Variants in KCNIP4 observed in about 807,000 individuals in gnomAD.
KCNIP4 encodes potassium voltage-gated channel interacting protein 4.
In KCNIP4, 12 loss-of-function variants were observed where a neutral mutation model predicts 34.0. The ratio of observed to expected loss-of-function variants is 0.35; its 90% CI spans 0.23 to 0.57. The LOEUF (loss-of-function observed/expected upper bound fraction) is 0.57. KCNIP4 is among the 20% of genes least tolerant of loss of function. KCNIP4 has a pLI of 0.83. For missense variants in KCNIP4, 238 were observed against 311.7 expected (o/e 0.76, Z 1.78); for synonymous variants, 124 against 102.2 (o/e 1.21, Z -1.29).
rs796715572 is a variant in KCNIP4, at chr4:20,980,825, AG to A, written c.62-98117del. ...TCTCCACCATAAAAAAAAAAAAAAGAGGCTAATTCTCTGGACTATTGTGGGT... is the reference window on the plus strand; with the variant it reads ...TCTCCACCATAAAAAAAAAAAAAAGAGCTAATTCTCTGGACTATTGTGGGT... On this transcript the variant is annotated intron_variant, in intron 1 of 8. Transcript: ENST00000382152. Among the ~76,000 whole-genome samples, 5 of 150,984 alleles carry A rather than the reference AG, an allele frequency of 3.3e-5. No homozygotes were observed. In the South Asian group the frequency reaches 1.0e-3, roughly 32 times the overall value.
rs556075855 is a variant in KCNIP4, at chr4:21,573,106, G to C, written c.61+375465C>G. On this transcript the variant is annotated intron_variant, in intron 1 of 8. Coordinates refer to ENST00000382152, the MANE Select transcript of KCNIP4 (RefSeq NM_025221.6). Reference sequence around the variant, plus strand: ...CAGGCATGTTATTATTATCACCACTGTTTAGTGGTAAACAGTGGGAATGGT... The same window carrying C: ...CAGGCATGTTATTATTATCACCACTCTTTAGTGGTAAACAGTGGGAATGGT... Among the ~76,000 whole-genome samples, 27 of 152,218 alleles carry C rather than the reference G, an allele frequency of 1.8e-4. No homozygotes were observed. The South Asian group carries it at 5.4e-3, about 30-fold the overall frequency.
At chr4:21,642,180 C>A (rs1746662237) in intron 1 of KCNIP4, among the ~76,000 whole-genome samples, 1 of 152,176 alleles carries the variant, frequency 6.6e-6, no homozygotes, top group East Asian at 1.9e-4. Context: ...GCAATGAGAC[C>A]ACAATCATGG....
chr4:21,136,382 G>A (rs573610101), intron 1 of KCNIP4, among the ~76,000 whole-genome samples: 7 of 152,242 alleles, frequency 4.6e-5, no homozygotes, highest in South Asian at 2.1e-4. Flanking sequence ...AAGTACACAC[G>A]CACAATCTTG....
intron 1 of KCNIP4, among the ~76,000 whole-genome samples, chr4:21,789,304 A>C (rs1399896878): frequency 1.3e-5 from 2 of 152,204 alleles, no homozygotes; most frequent in African/African-American, 4.8e-5. Flanking sequence ...AGTTTAATTT[A>C]AAATGTAAGT....
chr4:21,297,422 T>C (rs1763905670), intron 1 of KCNIP4, among the ~76,000 whole-genome samples: 1 of 152,156 alleles, frequency 6.6e-6, no homozygotes, highest in African/African-American at 2.4e-5. Context: ...AAAAGCAACT[T>C]CACTATCACT....
At chr4:21,365,567 T>G (rs1038386089) in intron 1 of KCNIP4, among the ~76,000 whole-genome samples, 4 of 151,368 alleles carry the variant, frequency 2.6e-5, no homozygotes, top group Admixed American at 1.3e-4. Flanking sequence ...ATACTTCAAA[T>G]CTTTCCTGTA....
At chr4:21,678,557 C>A (rs1290779135) in intron 1 of KCNIP4, among the ~76,000 whole-genome samples, 1 of 152,132 alleles carries the variant, frequency 6.6e-6, no homozygotes, top group Non-Finnish European at 1.5e-5. Flanking sequence ...CTTTGCCTTT[C>A]TTCTGTCTTC....
At chr4:21,341,397 A>G (rs1716751167) in intron 1 of KCNIP4, among the ~76,000 whole-genome samples, 1 of 152,270 alleles carries the variant, frequency 6.6e-6, no homozygotes, top group South Asian at 2.1e-4. Context: ...AGGTGATACC[A>G]TCTCCACACT....
intron 1 of KCNIP4, among the ~76,000 whole-genome samples, chr4:21,483,660 C>T (rs746760884): frequency 1.8e-4 from 27 of 151,700 alleles, no homozygotes; most frequent in South Asian, 1.5e-3. Flanking sequence ...TGTGGTGGCA[C>T]GCACCTGTAA....
intron 1 of KCNIP4, among the ~76,000 whole-genome samples, chr4:21,865,486 T>C (rs1024046622): frequency 6.6e-6 from 1 of 152,140 alleles, no homozygotes; most frequent in Non-Finnish European, 1.5e-5. Flanking sequence ...TTGTACTGAT[T>C]TCTGAATTTC....
chr4:21,294,677 G>T (rs1763736680), intron 1 of KCNIP4, among the ~76,000 whole-genome samples: 2 of 152,120 alleles, frequency 1.3e-5, no homozygotes, highest in South Asian at 2.1e-4. Context: ...ATTACAATAT[G>T]TATGCTACCA....
chr4:21,293,778 T>C (rs1431803342), intron 1 of KCNIP4, among the ~76,000 whole-genome samples: 1 of 152,184 alleles, frequency 6.6e-6, no homozygotes, highest in East Asian at 1.9e-4. Flanking sequence ...AAAAATCATA[T>C]GTAAAATTGG....
chr4:21,041,997 G>T (rs1257635675), intron 1 of KCNIP4, among the ~76,000 whole-genome samples: 1 of 152,146 alleles, frequency 6.6e-6, no homozygotes, highest in African/African-American at 2.4e-5. Context: ...GCAAGGATTG[G>T]ATTAGGTGAC....
chr4:21,427,717 G>A (rs1726055509), intron 1 of KCNIP4, among the ~76,000 whole-genome samples: 1 of 152,156 alleles, frequency 6.6e-6, no homozygotes, highest in Admixed American at 6.5e-5. Context: ...GGAGTGAGTA[G>A]GAGCTAGGTC....
intron 1 of KCNIP4, among the ~76,000 whole-genome samples, chr4:21,854,260 T>G (rs1219257818): frequency 1.3e-5 from 2 of 152,200 alleles, no homozygotes; most frequent in East Asian, 1.9e-4. Flanking sequence ...ATTAACAATC[T>G]GTTTACTGGA....
chr4:20,731,468 A>G, intron 8 of KCNIP4: 3 of 985,256 alleles, frequency 3.0e-6, no homozygotes, highest in Non-Finnish European at 3.6e-6. Context: ...TACTACCTGG[A>G]GTTCTCTTCA....
At chr4:21,850,333 C>T (rs1286037146) in intron 1 of KCNIP4, 1 of 152,044 alleles carries the variant, frequency 6.6e-6, no homozygotes, top group East Asian at 1.9e-4. Context: ...TAGAGCCCTA[C>T]AAATATTCAA....
At chr4:21,860,957 C>T (rs943124271) in intron 1 of KCNIP4, among the ~76,000 whole-genome samples, 3 of 152,182 alleles carry the variant, frequency 2.0e-5, no homozygotes, top group Non-Finnish European at 2.9e-5. Flanking sequence ...TCAACAGCCA[C>T]TCCATTCAAA....
rs184505280 is a variant in KCNIP4 at position 21,688,960 on chromosome 4, G to A, written c.61+259611C>T. On this transcript the variant is annotated intron_variant, in intron 1 of 8. Coordinates refer to ENST00000382152, the MANE Select transcript of KCNIP4 (RefSeq NM_025221.6). ...TCCTTGCCTAAAATTGTCCTTGACTGAAATAGTAAGAGATAGTTTTCCTCT... is the reference window on the plus strand; with the variant it reads ...TCCTTGCCTAAAATTGTCCTTGACTAAAATAGTAAGAGATAGTTTTCCTCT... 5.4e-4 allele frequency among the ~76,000 whole-genome samples: 82 copies of A among 152,098 alleles called. No homozygotes were observed. In the East Asian group the frequency reaches 0.012, roughly 23 times the overall value.
Sources: allele counts gnomAD v4.1 joint callset (sites outside exome capture counted in the v4.1 genomes callset), GRCh38; gene constraint gnomAD v4.1.1; transcripts MANE v1.5; gene names NCBI Gene and HGNC (gene_info 2026-07-23, HGNC 2026-07-21).